Variants in GPIHBP1 observed in about 807,000 individuals in gnomAD.
GPIHBP1 encodes glycosylphosphatidylinositol anchored high density lipoprotein binding protein 1, also known as glycosylphosphatidylinositol-anchored high density lipoprotein-binding protein 1.
A neutral mutation model predicts 13.0 loss-of-function variants in GPIHBP1; 11 were observed. The ratio of observed to expected loss-of-function variants is 0.84; its 90% CI spans 0.53 to 1.40. The LOEUF (loss-of-function observed/expected upper bound fraction) is 1.40, where lower values mean the gene tolerates loss of function less well. Among genes scored for constraint, GPIHBP1 ranks in the 40% most tolerant of loss-of-function variants. GPIHBP1 has a pLI of 0.00. For synonymous variants in GPIHBP1, 106 were observed against 102.2 expected (o/e 1.04, Z -0.22); for missense variants, 231 against 241.1 (o/e 0.96, Z 0.28).
chr8:143,213,785 G>T, intron 1 of GPIHBP1, 37 bp from the exon 2 acceptor site: 1 of 1,571,206 alleles, frequency 6.4e-7, no homozygotes, highest in East Asian at 2.4e-5. Context: ...CTCCATACCC[G>T]GGTAGCTGAG....
chr8:143,214,900 G>A lies in GPIHBP1; in HGVS notation c.182-113G>A, dbSNP rs1816277255. 6.8e-6 allele frequency: 5 copies of A among 738,092 alleles called. No homozygotes were observed. 45.7% of individuals were successfully genotyped at this position (738,092 alleles called of 1,614,324 possible). ...CCCGCCCATCTGAGCAGTGGGTGCT[G>A]GAGGCTCACCAGGCTAGGCTTTGGG... is the stretch of plus-strand genomic sequence containing the variant. On this transcript the variant is annotated intron_variant, in intron 2 of 3. Transcript: ENST00000622500. The surrounding 1 kb of genome is among the most constrained non-coding windows in gnomAD (Gnocchi z 4.1).
Position 143,215,426 on chromosome 8 carries a change from G to A in GPIHBP1, c.463G>A (p.Gly155Ser). 2 of 1,612,668 alleles carry A rather than the reference G, an allele frequency of 1.2e-6. No homozygotes were observed. The highest frequency in any genetic ancestry group is 2.2e-5 in the East Asian group (1 of 44,872). ...CCAGGACCCAACAGGCAAGGGGGCAGGCGGCCCCCGGGGCAGCTCCGAAAC... is the reference window on the plus strand; with the variant it reads ...CCAGGACCCAACAGGCAAGGGGGCAAGCGGCCCCCGGGGCAGCTCCGAAAC... ...RVQDPTGKGA[G>S]GPRGSSETVG... Residue 155 changes from glycine to serine, a missense_variant, in exon 4 of 4, where the codon GGC becomes AGC. Transcript: ENST00000622500.
chr8:143,215,793 G>T lies in GPIHBP1; in HGVS notation c.*275G>T. 1 of 537,752 alleles carries T rather than the reference G, an allele frequency of 1.9e-6. No individual in the cohort carries two copies. The highest frequency in any genetic ancestry group is 3.3e-6 in the Non-Finnish European group (1 of 301,254). The allele number at this position is 537,752 out of a possible 1,614,324, so 33.3% of individuals were successfully genotyped here. On this transcript the variant is annotated 3_prime_UTR_variant, in exon 4 of 4. Coordinates refer to ENST00000622500, the MANE Select transcript of GPIHBP1 (RefSeq NM_178172.6). Reference sequence around the variant, plus strand: ...ACGCCCCAGGACCTGCAGCCCTCATGGGGGCTGGGGATCCCCATCAGCACA... The same window carrying T: ...ACGCCCCAGGACCTGCAGCCCTCATTGGGGCTGGGGATCCCCATCAGCACA...
Position 143,214,185 on chromosome 8 carries a change from G to A in GPIHBP1, c.181+235G>A, listed in dbSNP as rs1288443944. Among the ~76,000 whole-genome samples, 1 of 152,094 alleles carries A rather than the reference G, an allele frequency of 6.6e-6. No homozygotes were observed. The highest frequency in any genetic ancestry group is 1.5e-5 in the Non-Finnish European group (1 of 68,004). On this transcript the variant is annotated intron_variant, in intron 2 of 3. Transcript: ENST00000622500. This position sits in a 1 kb window ranked among gnomAD's most constrained non-coding sequence, Gnocchi z 4.1. ...AGGGTCAGTGGTGCCAGGATGTAGA[G>A]GTTAAATAGGAGTTCACCAGGCAGA...
chr8:143,215,117 G>C lies in GPIHBP1; in HGVS notation c.286G>C (p.Gly96Arg). 6.2e-7 allele frequency: 1 copy of C among 1,612,240 alleles called. No individual in the cohort carries two copies. The highest frequency in any genetic ancestry group is 8.5e-7 in the Non-Finnish European group (1 of 1,179,482). The change falls in exon 3 of 4, where the codon GGG becomes CGG. Residue 96 changes from glycine to arginine, a missense_variant. By Grantham distance (125) the Gly-to-Arg change is moderately radical (BLOSUM62 -2). Coordinates refer to ENST00000622500, the MANE Select transcript of GPIHBP1 (RefSeq NM_178172.6). ...GACCTGCACAACCCTCATTGCCCAC[G>C]GGAACACCGGTAAGTGGGCGTGGGG... Reference protein sequence around the residue: ...GQTCTTLIAHGNTESGLLTTH... With the variant: ...GQTCTTLIAHRNTESGLLTTH...
Position 143,213,279 on chromosome 8 carries a change from C to A in GPIHBP1, c.12C>A (p.Leu4=), listed in dbSNP as rs61747644. Reference sequence around the variant, plus strand: ...CAGCGTCCGGCGAGATGAAGGCGCTCGGGGCTGTCCTGCTTGCCCTCTTGC... The same window carrying A: ...CAGCGTCCGGCGAGATGAAGGCGCTAGGGGCTGTCCTGCTTGCCCTCTTGC... MKA[L]GAVLLALLLF... Residue 4 remains leucine, a synonymous_variant, in exon 1 of 4, where the codon CTC becomes CTA. Coordinates refer to ENST00000622500, the MANE Select transcript of GPIHBP1 (RefSeq NM_178172.6). The A allele has an allele frequency of 6.3e-7, 1 of 1,595,784 alleles. No homozygotes were observed. Among genetic ancestry groups the A allele is most frequent in the Non-Finnish European group, 8.5e-7 (1 of 1,175,340 alleles).
rs1816260170 is a variant in GPIHBP1, at chr8:143,213,892, AGATGAG to A, written c.131_136del (p.Asp44_Glu45del). On this transcript the variant is annotated inframe_deletion, in exon 2 of 4. Transcript: ENST00000622500. ...ACGGGCCAGATGACTACGACGAGGA[AGATGAG>A]GATGAGGTGGAAGAGGAGGAGACCA... 1.3e-6 allele frequency: 2 copies of A among 1,552,108 alleles called. No individual in the cohort carries two copies. Among genetic ancestry groups the A allele is most frequent in the Non-Finnish European group, 1.7e-6 (2 of 1,147,408 alleles).
rs374878346 is a variant in GPIHBP1, at chr8:143,213,949, A to G, written c.180A>G (p.Arg60=). 1 of 1,550,468 alleles carries G rather than the reference A, an allele frequency of 6.4e-7. No individual in the cohort carries two copies. Among genetic ancestry groups the G allele is most frequent in the Non-Finnish European group, 8.7e-7 (1 of 1,146,696 alleles). The change falls in exon 2 of 4, where the codon AGA becomes AGG. Residue 60 remains arginine (R), a splice_region_variant and synonymous_variant. Coordinates refer to ENST00000622500, the MANE Select transcript of GPIHBP1 (RefSeq NM_178172.6). ...ETNRLPGGRS[R]VLLRCYTCKS... The stretch of plus-strand genomic sequence containing the variant: ...ACAGGCTCCCTGGTGGCAGGAGCAG[A>G]GGTATGGCCGCCCCAACCCCAGAGC...
intron 3 of GPIHBP1, 36 bp from the exon 4 acceptor site, chr8:143,215,223 C>A: frequency 6.2e-7 from 1 of 1,612,958 alleles, no homozygotes; most frequent in Non-Finnish European, 8.5e-7. Flanking sequence ...GAGACCCCGC[C>A]CATCCTCAGC....
At position 143,215,456 on chromosome 8, in the gene GPIHBP1, G is replaced by A. The variant is rs746452521; in HGVS notation, c.493G>A (p.Gly165Ser). 1.2e-6 allele frequency: 2 copies of A among 1,612,328 alleles called. No homozygotes were observed. Among genetic ancestry groups the A allele is most frequent in the Admixed American group, 3.3e-5 (2 of 60,000 alleles). ...GGPRGSSETVGAALLLNLLAG... is the reference protein window; with the variant it reads ...GGPRGSSETVSAALLLNLLAG... ...CCCCCGGGGCAGCTCCGAAACTGTG[G>A]GCGCAGCCCTCCTGCTCAACCTCCT... The change falls in exon 4 of 4, where the codon GGC becomes AGC. Residue 165 changes from glycine (G) to serine (S), a missense_variant. Physicochemically the swap from Gly to Ser is moderately conservative, Grantham distance 56. Coordinates refer to ENST00000622500, the MANE Select transcript of GPIHBP1 (RefSeq NM_178172.6).
In GPIHBP1 at chr8:143,214,079, C is replaced by T; in HGVS notation, c.181+129C>T. On this transcript the variant is annotated intron_variant, in intron 2 of 3. Transcript: ENST00000622500. The surrounding 1 kb of genome is among the most constrained non-coding windows in gnomAD (Gnocchi z 4.1). ...TGCCTCCAGCAGAGTGGGGGACACT[C>T]AGTACACCCCTCACTGCTGCTCACC... is the stretch of plus-strand genomic sequence containing the variant. 1.7e-6 allele frequency: 2 copies of T among 1,186,332 alleles called. No homozygotes were observed. The highest frequency in any genetic ancestry group is 2.4e-6 in the Non-Finnish European group (2 of 825,880). 73.5% of individuals were successfully genotyped at this position (1,186,332 alleles called of 1,614,324 possible).
At position 143,215,032 on chromosome 8, in the gene GPIHBP1, C is replaced by G. The variant is rs1396488900; in HGVS notation, c.201C>G (p.Thr67=). 2 of 1,586,414 alleles carry G rather than the reference C, an allele frequency of 1.3e-6. No individual in the cohort carries two copies. Among genetic ancestry groups the G allele is most frequent in the Non-Finnish European group, 1.7e-6 (2 of 1,167,042 alleles). ...GRSRVLLRCY[T]CKSLPRDERC... ...CCCCAGTGCTGCTGCGGTGCTACAC[C>G]TGCAAGTCCCTGCCCAGGGACGAGC... Residue 67 remains threonine, a synonymous_variant, in exon 3 of 4, where the codon ACC becomes ACG. Coordinates refer to ENST00000622500, the MANE Select transcript of GPIHBP1 (RefSeq NM_178172.6).
chr8:143,215,555 C>T lies in GPIHBP1; in HGVS notation c.*37C>T, dbSNP rs1022802744. Reference sequence around the variant, plus strand: ...TCCCCACCCCCACCCGGCTCACCCCCGGCCCTGCCAGCACTCTGTCTGGTA... The same window carrying T: ...TCCCCACCCCCACCCGGCTCACCCCTGGCCCTGCCAGCACTCTGTCTGGTA... On this transcript the variant is annotated 3_prime_UTR_variant, in exon 4 of 4. Coordinates refer to ENST00000622500, the MANE Select transcript of GPIHBP1 (RefSeq NM_178172.6). The T allele has an allele frequency of 3.0e-5, 45 of 1,499,562 alleles. No homozygotes were observed. Among genetic ancestry groups the T allele is most frequent in the African/African-American group, 2.8e-4 (20 of 72,220 alleles). 92.9% of individuals were successfully genotyped at this position (1,499,562 alleles called of 1,614,324 possible).
Position 143,215,553 on chromosome 8 carries a change from C to G in GPIHBP1, c.*35C>G, listed in dbSNP as rs772237000. On this transcript the variant is annotated 3_prime_UTR_variant, in exon 4 of 4. Transcript: ENST00000622500. ...CCTCCCCACCCCCACCCGGCTCACC[C>G]CCGGCCCTGCCAGCACTCTGTCTGG... The G allele has an allele frequency of 4.7e-6, 7 of 1,501,586 alleles. No individual in the cohort carries two copies. In the South Asian group the frequency reaches 8.7e-5, roughly 19 times the overall value. 93.0% of individuals were successfully genotyped at this position (1,501,586 alleles called of 1,614,324 possible).
In GPIHBP1 at chr8:143,214,301, G is replaced by T. The variant is rs1378461322; in HGVS notation, c.181+351G>T. Among the ~76,000 whole-genome samples, 1 of 152,046 alleles carries T rather than the reference G, an allele frequency of 6.6e-6. No individual in the cohort carries two copies. The highest frequency in any genetic ancestry group is 1.5e-5 in the Non-Finnish European group (1 of 67,994). ...TGTGGGGCAGAGAGAGCAGCAGGGT[G>T]GGCCGGTCCTGTACAGGGGAGGGCT... On this transcript the variant is annotated intron_variant, in intron 2 of 3. Coordinates refer to ENST00000622500, the MANE Select transcript of GPIHBP1 (RefSeq NM_178172.6). This position sits in a 1 kb window ranked among gnomAD's most constrained non-coding sequence, Gnocchi z 4.1.
Position 143,213,221 on chromosome 8 carries a change from G to A in GPIHBP1, c.-47G>A. On this transcript the variant is annotated 5_prime_UTR_variant, in exon 1 of 4. Coordinates refer to ENST00000622500, the MANE Select transcript of GPIHBP1 (RefSeq NM_178172.6). ...TCATCCCACTTACCGCAGCTCCAGAGCCCTGCGGGAGGACTCAGAGTCAGG... is the reference window on the plus strand; with the variant it reads ...TCATCCCACTTACCGCAGCTCCAGAACCCTGCGGGAGGACTCAGAGTCAGG... 1 of 1,552,460 alleles carries A rather than the reference G, an allele frequency of 6.4e-7. No homozygotes were observed. Among genetic ancestry groups the A allele is most frequent in the Non-Finnish European group, 8.7e-7 (1 of 1,145,706 alleles).
rs549391307 is a variant in GPIHBP1 at position 143,214,526 on chromosome 8, G to A, written c.182-487G>A. On this transcript the variant is annotated intron_variant, in intron 2 of 3. Coordinates refer to ENST00000622500, the MANE Select transcript of GPIHBP1 (RefSeq NM_178172.6). This position sits in a 1 kb window ranked among gnomAD's most constrained non-coding sequence, Gnocchi z 4.1. ...CCCCTCCCTAGCCAGGGACCACAGC[G>A]TGCCCCACCACACACAGCCCCTCCC... is the stretch of plus-strand genomic sequence containing the variant. Among the ~76,000 whole-genome samples, 2 of 150,138 alleles carry A rather than the reference G, an allele frequency of 1.3e-5. No homozygotes were observed. The highest frequency in any genetic ancestry group is 4.9e-5 in the African/African-American group (2 of 40,838).
In GPIHBP1 at chr8:143,217,109, C is replaced by A. The variant is rs756030377; in HGVS notation, c.*1591C>A. On this transcript the variant is annotated 3_prime_UTR_variant, in exon 4 of 4. Transcript: ENST00000622500. Reference sequence around the variant, plus strand: ...GGCCTAGCTCGCTGCCGACAGAAGTCACTGCCTACCTCAGGGTCCCCTTAC... The same window carrying A: ...GGCCTAGCTCGCTGCCGACAGAAGTAACTGCCTACCTCAGGGTCCCCTTAC... The A allele has an allele frequency of 3.9e-5, 6 of 152,196 alleles. No individual in the cohort carries two copies. The highest frequency in any genetic ancestry group is 4.4e-5 in the Non-Finnish European group (3 of 68,024). The allele number at this position is 152,196 out of a possible 1,614,324, so 9.4% of individuals were successfully genotyped here. A position where few individuals can be genotyped will look rare whatever the true frequency, so the allele number is the denominator to read the frequency against.
In GPIHBP1 at chr8:143,213,316, C is replaced by T; in HGVS notation, c.49C>T (p.Pro17Ser). The T allele has an allele frequency of 6.3e-7, 1 of 1,594,220 alleles. No individual in the cohort carries two copies. The highest frequency in any genetic ancestry group is 8.5e-7 in the Non-Finnish European group (1 of 1,175,426). Reference sequence around the variant, plus strand: ...GCTTGCCCTCTTGCTGTTCGGGCGGCCAGGTGCGGGGCAAAGGGTAACCCT... The same window carrying T: ...GCTTGCCCTCTTGCTGTTCGGGCGGTCAGGTGCGGGGCAAAGGGTAACCCT... Reference protein sequence around the residue: ...VLLALLLFGRPGRGQTQQEEE... With the variant: ...VLLALLLFGRSGRGQTQQEEE... The change falls in exon 1 of 4, where the codon CCA becomes TCA. Residue 17 changes from proline (P) to serine (S), a missense_variant. Transcript: ENST00000622500.
Sources: allele counts gnomAD v4.1 joint callset (sites outside exome capture counted in the v4.1 genomes callset), GRCh38; gene constraint gnomAD v4.1.1; non-coding constraint Gnocchi (gnomAD v3.1); transcripts MANE v1.5; gene names NCBI Gene and HGNC (gene_info 2026-07-23, HGNC 2026-07-21).